The following TULP1 variants were observed in gnomAD, a reference collection of about 807,000 sequenced individuals.
TULP1 encodes tubby-related protein 1.
TULP1 carries 50 observed loss-of-function variants against 67.1 expected under a neutral mutation model. The observed-to-expected ratio is 0.75, with a 90% CI of 0.59 to 0.94. The LOEUF is 0.94. TULP1 is among the 40% of genes least tolerant of loss of function. The pLI, the probability that TULP1 is intolerant of heterozygous loss-of-function variation, is 0.00. For missense variants in TULP1, 746 were observed against 734.1 expected (o/e 1.02, Z -0.19); for synonymous variants, 297 against 294.0 (o/e 1.01, Z -0.11).
chr6:35,501,062 G>A (rs192053469), intron 13 of TULP1, among the ~76,000 whole-genome samples: 1 of 152,266 alleles, frequency 6.6e-6, no homozygotes, highest in East Asian at 1.9e-4. Flanking sequence ...CTGTGAGGAT[G>A]GGGCATGCGA....
At chr6:35,501,509 G>GGA (rs779018624) in intron 13 of TULP1, among the ~76,000 whole-genome samples, 1 of 88,778 alleles carries the variant, frequency 1.1e-5, no homozygotes, top group Non-Finnish European at 2.0e-5. Flanking sequence ...CTCGGTCTCA[G>GGA]AAAAAAAAAA....
intron 4 of TULP1, 136 bp from the exon 5 acceptor site, chr6:35,511,146 G>A (rs1461520097): frequency 7.2e-6 from 11 of 1,524,404 alleles, no homozygotes; most frequent in Non-Finnish European, 8.7e-7. Context: ...AAGAACCGGA[G>A]ACCTGGCACC....
chr6:35,500,162 C>G lies in TULP1; in HGVS notation c.1324-10G>C. Reference sequence around the variant, plus strand: ...GCAGGCCGTCACTAGCCTGGGGTGCCCCAGGGGAGTAGACAGGGAGAGGAC... The same window carrying G: ...GCAGGCCGTCACTAGCCTGGGGTGCGCCAGGGGAGTAGACAGGGAGAGGAC... On this transcript the variant is annotated splice_polypyrimidine_tract_variant and intron_variant, in intron 13 of 14. Coordinates refer to ENST00000229771, the MANE Select transcript of TULP1 (RefSeq NM_003322.6). The G allele has an allele frequency of 6.2e-7, 1 of 1,613,600 alleles. No individual in the cohort carries two copies. Among genetic ancestry groups the G allele is most frequent in the Non-Finnish European group, 8.5e-7 (1 of 1,179,984 alleles).
intron 3 of TULP1, 104 bp from the exon 4 acceptor site, chr6:35,511,910 A>T: frequency 7.9e-7 from 1 of 1,273,314 alleles, no homozygotes; most frequent in African/African-American, 1.5e-5. Flanking sequence ...CGGGCTCCTC[A>T]CCCTAGGGAT....
Position 35,510,900 on chromosome 6 carries a change from C to A in TULP1, c.460G>T (p.Asp154Tyr). ...KKPLREKSSA[D>Y]LKERRAKAQG... ...GCCTTGGCCCTCCTCTCCTTCAGGT[C>A]TGCGGAGCTCTTCTCTCTCAGGGGC... is the stretch of plus-strand genomic sequence containing the variant. The change falls in exon 5 of 15, where the codon GAC becomes TAC. Residue 154 changes from aspartate to tyrosine, a missense_variant. By Grantham distance (160) the Asp-to-Tyr change is radical. Around this residue, in one of 3 missense-constraint regions of TULP1, gnomAD observed 359 missense variants for 341.9 expected, o/e 1.05. Transcript: ENST00000229771. 6.2e-7 allele frequency: 1 copy of A among 1,614,056 alleles called. No homozygotes were observed. Among genetic ancestry groups the A allele is most frequent in the South Asian group, 1.1e-5 (1 of 91,084 alleles).
At chr6:35,507,888 C>T (rs778279162) in intron 8 of TULP1, among the ~76,000 whole-genome samples, 7 of 152,202 alleles carry the variant, frequency 4.6e-5, no homozygotes, top group Admixed American at 1.3e-4. Flanking sequence ...GATCTCAGCT[C>T]GCTGCAGCCT....
rs1013347528 is a variant in TULP1, at chr6:35,503,453, G to A, written c.1323+106C>T. ...CCCTAGGTGGCCAGAATGAATTTGT[G>A]TTGGAGGGTGATGGATGTGCTCAGG... On this transcript the variant is annotated intron_variant, in intron 13 of 14. Transcript: ENST00000229771. This position sits in a 1 kb window ranked among gnomAD's most constrained non-coding sequence, Gnocchi z 4.0. The A allele has an allele frequency of 5.2e-6, 6 of 1,164,920 alleles. No homozygotes were observed. Among genetic ancestry groups the A allele is most frequent in the African/African-American group, 1.5e-5 (1 of 65,594 alleles). 72.2% of individuals were successfully genotyped at this position (1,164,920 alleles called of 1,614,324 possible). A position where few individuals can be genotyped will look rare whatever the true frequency, so the allele number is the denominator to read the frequency against.
At chr6:35,508,840 G>A (rs913758401) in intron 8 of TULP1, among the ~76,000 whole-genome samples, 5 of 152,080 alleles carry the variant, frequency 3.3e-5, no homozygotes, top group African/African-American at 4.8e-5. Flanking sequence ...TTTAACAACC[G>A]GTGCAGCTGA....
chr6:35,511,396 G>A (rs568218135), intron 4 of TULP1, among the ~76,000 whole-genome samples: 2 of 152,156 alleles, frequency 1.3e-5, no homozygotes, highest in African/African-American at 4.8e-5. Flanking sequence ...GCTCCTAACT[G>A]CTGGTTAAGG....
rs373260465 is a variant in TULP1 at position 35,512,561 on chromosome 6, C to T, written c.99+78G>A. 296 of 1,595,148 alleles carry T rather than the reference C, an allele frequency of 1.9e-4. 1 individual carries two copies. The East Asian group carries it at 5.5e-3, about 30-fold the overall frequency. ...CCCTGCTAAGGGGGACCTGTCCCAC[C>T]CCTAGACCCCCTACCCTGCGTGGGT... On this transcript the variant is annotated intron_variant, in intron 2 of 14. Transcript: ENST00000229771.
intron 2 of TULP1, 112 bp downstream of exon 2, chr6:35,512,527 A>C: frequency 7.1e-7 from 1 of 1,400,962 alleles, no homozygotes; most frequent in Non-Finnish European, 1.0e-6. Context: ...CAGACATGCA[A>C]CCCCCAGACC....
At position 35,512,492 on chromosome 6, in the gene TULP1, AC is replaced by A. The variant is rs1319060665; in HGVS notation, c.99+146del. On this transcript the variant is annotated intron_variant, in intron 2 of 14. Coordinates refer to ENST00000229771, the MANE Select transcript of TULP1 (RefSeq NM_003322.6). ...TTCCCTGGAAACCCCAAGTCCCCAAACAGCCCTTTCTCCCCCCAGATCTCCA... is the reference window on the plus strand; with the variant it reads ...TTCCCTGGAAACCCCAAGTCCCCAAAAGCCCTTTCTCCCCCCAGATCTCCA... 4.5e-5 allele frequency: 49 copies of A among 1,093,116 alleles called. No individual in the cohort carries two copies. The African/African-American group carries it at 7.0e-4, about 16-fold the overall frequency. 67.7% of individuals were successfully genotyped at this position (1,093,116 alleles called of 1,614,324 possible). A position where few individuals can be genotyped will look rare whatever the true frequency, so the allele number is the denominator to read the frequency against.
At chr6:35,506,321 C>G (rs1205482947) in intron 8 of TULP1, 42 bp from the exon 9 acceptor site, 2 of 1,550,948 alleles carry the variant, frequency 1.3e-6, no homozygotes, top group African/African-American at 1.4e-5. Flanking sequence ...GAGCAGGGGC[C>G]GCATCCCTGG....
chr6:35,506,208 C>G, intron 9 of TULP1, 35 bp from the exon 10 acceptor site: 1 of 1,612,400 alleles, frequency 6.2e-7, no homozygotes, highest in Non-Finnish European at 8.5e-7. Flanking sequence ...AGCCCCAGAG[C>G]ACCAGCTCCC....
Position 35,505,830 on chromosome 6 carries a change from T to C in TULP1, c.1023A>G (p.Lys341=), listed in dbSNP as rs1761069015. Residue 341 remains lysine, a synonymous_variant, in exon 11 of 15, where the codon AAA becomes AAG. Coordinates refer to ENST00000229771, the MANE Select transcript of TULP1 (RefSeq NM_003322.6). ...EKKVFLLAGR[K]RKRSKTANYL... Reference sequence around the variant, plus strand: ...AATTGGCTGTCTTGCTCCGTTTTCGTTTCCTGCCAGCCAAGAGGAACACCT... The same window carrying C: ...AATTGGCTGTCTTGCTCCGTTTTCGCTTCCTGCCAGCCAAGAGGAACACCT... 1 of 1,614,198 alleles carries C rather than the reference T, an allele frequency of 6.2e-7. No individual in the cohort carries two copies. Among genetic ancestry groups the C allele is most frequent in the Non-Finnish European group, 8.5e-7 (1 of 1,180,034 alleles).
chr6:35,506,395 T>G, intron 8 of TULP1, 116 bp from the exon 9 acceptor site: 3 of 1,277,700 alleles, frequency 2.3e-6, no homozygotes, highest in Non-Finnish European at 3.3e-6. Flanking sequence ...TAGGAGGCTC[T>G]GGGGAGCTCT....
chr6:35,498,985 C>A lies in TULP1; in HGVS notation c.1496-525G>T, dbSNP rs1280042299. On this transcript the variant is annotated intron_variant, in intron 14 of 14. Transcript: ENST00000229771. The surrounding 1 kb of genome is among the most constrained non-coding windows in gnomAD (Gnocchi z 6.7). ...GGACAGGAAGTTGCTAAAAATACCC[C>A]CAAACTCAGGTGGACGAGGCTCCAC... 6.6e-6 allele frequency among the ~76,000 whole-genome samples: 1 copy of A among 152,114 alleles called. No homozygotes were observed. The highest frequency in any genetic ancestry group is 2.4e-5 in the African/African-American group (1 of 41,418).
intron 7 of TULP1, 64 bp downstream of exon 7, chr6:35,509,570 C>T (rs1036601143): frequency 8.5e-6 from 13 of 1,529,882 alleles, no homozygotes; most frequent in Non-Finnish European, 1.1e-5. Flanking sequence ...TGTAAGGACC[C>T]TCTAGCTCCC....
chr6:35,512,513 TCTC>T, intron 2 of TULP1, 123 bp downstream of exon 2: 1 of 1,278,662 alleles, frequency 7.8e-7, no homozygotes, highest in South Asian at 1.3e-5. Flanking sequence ...TCCCCCCAGA[TCTC>T]CAGACATGCA....
Sources: allele counts gnomAD v4.1 joint callset (sites outside exome capture counted in the v4.1 genomes callset), GRCh38; gene constraint gnomAD v4.1.1; regional missense constraint gnomAD v4.1.1; non-coding constraint Gnocchi (gnomAD v3.1); transcripts MANE v1.5; gene names NCBI Gene and HGNC (gene_info 2026-07-23, HGNC 2026-07-21).